Variants in LIN28A observed in about 807,000 individuals in gnomAD.
LIN28A encodes lin-28 RNA binding posttranscriptional regulator A, also known as protein lin-28 homolog A.
LIN28A carries 11 observed loss-of-function variants against 21.1 expected under a neutral mutation model. That is an observed-to-expected ratio of 0.52 (90% CI 0.33 to 0.86). The LOEUF (loss-of-function observed/expected upper bound fraction) is 0.86, where lower values mean the gene tolerates loss of function less well. LIN28A is among the 40% of genes least tolerant of loss of function. The pLI is 0.03. For synonymous variants in LIN28A, 111 were observed against 108.7 expected (o/e 1.02, Z -0.13); for missense variants, 219 against 279.8 (o/e 0.78, Z 1.55).
In LIN28A at chr1:26,410,909, C is replaced by A. The variant is rs758386406; in HGVS notation, c.18C>A (p.Asn6Lys). The A allele has an allele frequency of 7.5e-6, 12 of 1,607,380 alleles. No individual in the cohort carries two copies. The highest frequency in any genetic ancestry group is 1.3e-5 in the African/African-American group (1 of 74,444). ...CGACGACCATGGGCTCCGTGTCCAA[C>A]CAGCAGTTTGCAGGTTCGAGCTCGG... The part of the protein sequence containing the change: MGSVS[N>K]QQFAGGCAKA... Residue 6 changes from asparagine to lysine, a missense_variant, in exon 1 of 4, where the codon AAC (asparagine) becomes AAA (lysine). This residue lies in a region of LIN28A where 50 missense variants were observed against 49.0 expected (regional missense o/e 1.02). Coordinates refer to ENST00000326279, the MANE Select transcript of LIN28A (RefSeq NM_024674.6).
At position 26,411,206 on chromosome 1, in the gene LIN28A, G is replaced by T. The variant is rs978581576; in HGVS notation, c.32-180G>T. On this transcript the variant is annotated intron_variant, in intron 1 of 3. Coordinates refer to ENST00000326279, the MANE Select transcript of LIN28A (RefSeq NM_024674.6). The surrounding 1 kb of genome is among the most constrained non-coding windows in gnomAD (Gnocchi z 5.4). The stretch of plus-strand genomic sequence containing the variant: ...ACTTTCGGGGCACTACTGTCCCGGT[G>T]TACGCTAGGGGAACGCGGGAGGCGA... 2.0e-5 allele frequency among the ~76,000 whole-genome samples: 3 copies of T among 152,254 alleles called. No individual in the cohort carries two copies. The highest frequency in any genetic ancestry group is 2.0e-4 in the Admixed American group (3 of 15,292).
At chr1:26,424,802 T>C (rs2124304204) in intron 2 of LIN28A, among the ~76,000 whole-genome samples, 1 of 152,274 alleles carries the variant, frequency 6.6e-6, no homozygotes, top group South Asian at 2.1e-4. Context: ...AGTGCAATAG[T>C]GTGATCTCAG....
At chr1:26,425,812 T>A (rs2075055676) in intron 3 of LIN28A, among the ~76,000 whole-genome samples, 1 of 152,246 alleles carries the variant, frequency 6.6e-6, no homozygotes. Flanking sequence ...AAGACAGTAT[T>A]ATCTATATCT....
At chr1:26,418,025 C>T (rs878921814) in intron 2 of LIN28A, among the ~76,000 whole-genome samples, 1 of 150,594 alleles carries the variant, frequency 6.6e-6, no homozygotes, top group Non-Finnish European at 1.5e-5. Flanking sequence ...TCTCTTCATA[C>T]TTTTTTCTTT....
chr1:26,414,249 T>C (rs930842823), intron 2 of LIN28A, among the ~76,000 whole-genome samples: 1 of 150,734 alleles, frequency 6.6e-6, no homozygotes, highest in Non-Finnish European at 1.5e-5. Flanking sequence ...AAGAAATCTT[T>C]AACAAAACTT....
intron 3 of LIN28A, 28 bp from the exon 4 acceptor site, chr1:26,426,214 T>A: frequency 6.3e-7 from 1 of 1,595,530 alleles, no homozygotes; most frequent in Non-Finnish European, 8.6e-7. Context: ...CTCCTTTCTC[T>A]TACTTTTACG....
At position 26,411,042 on chromosome 1, in the gene LIN28A, TCTG is replaced by T; in HGVS notation, c.31+123_31+125del. 1 of 1,309,486 alleles carries T rather than the reference TCTG, an allele frequency of 7.6e-7. No individual in the cohort carries two copies. The allele number at this position is 1,309,486 out of a possible 1,614,324, so 81.1% of individuals were successfully genotyped here. On this transcript the variant is annotated intron_variant, in intron 1 of 3. Coordinates refer to ENST00000326279, the MANE Select transcript of LIN28A (RefSeq NM_024674.6). This position sits in a 1 kb window ranked among gnomAD's most constrained non-coding sequence, Gnocchi z 5.4. ...AAAGGACCCCAAGACGGTGCGGCCT[TCTG>T]CTTCATAGGGCCGTCTCTGGGGCCA... is the stretch of plus-strand genomic sequence containing the variant.
chr1:26,410,858 C>A lies in LIN28A; in HGVS notation c.-34C>A. Reference sequence around the variant, plus strand: ...TCTCCGGGGCCAGCAGCCGCCCGACCAGGGGCCCGGGGCCACGGGCTCAGC... The same window carrying A: ...TCTCCGGGGCCAGCAGCCGCCCGACAAGGGGCCCGGGGCCACGGGCTCAGC... On this transcript the variant is annotated 5_prime_UTR_variant, in exon 1 of 4. Coordinates refer to ENST00000326279, the MANE Select transcript of LIN28A (RefSeq NM_024674.6). The A allele has an allele frequency of 1.2e-6, 2 of 1,611,510 alleles. No individual in the cohort carries two copies. The highest frequency in any genetic ancestry group is 4.5e-5 in the East Asian group (2 of 44,580).
intron 3 of LIN28A, 101 bp from the exon 4 acceptor site, chr1:26,426,141 A>C (rs2075058040): frequency 1.1e-6 from 1 of 890,230 alleles, no homozygotes; most frequent in Non-Finnish European, 1.8e-6. Flanking sequence ...AAGGGAAGTA[A>C]GTGACAAACC....
chr1:26,424,144 T>G (rs1179290814), intron 2 of LIN28A, among the ~76,000 whole-genome samples: 1 of 152,190 alleles, frequency 6.6e-6, no homozygotes, highest in Non-Finnish European at 1.5e-5. Context: ...TTTCCAGTAT[T>G]CTACTTATTT....
In LIN28A at chr1:26,429,160, G is replaced by C. The variant is rs1248110192; in HGVS notation, c.*2702G>C. On this transcript the variant is annotated 3_prime_UTR_variant, in exon 4 of 4. Coordinates refer to ENST00000326279, the MANE Select transcript of LIN28A (RefSeq NM_024674.6). ...CAGCCTGGTTACAGAGCAAGACTCT[G>C]TCTCAAACAAAACAAAACAAAACAA... The C allele has an allele frequency of 6.1e-6, 1 of 162,708 alleles. No homozygotes were observed. Among genetic ancestry groups the C allele is most frequent in the Non-Finnish European group, 1.3e-5 (1 of 76,450 alleles). The allele number at this position is 162,708 out of a possible 1,614,324, so 10.1% of individuals were successfully genotyped here. A position where few individuals can be genotyped will look rare whatever the true frequency, so the allele number is the denominator to read the frequency against.
intron 2 of LIN28A, among the ~76,000 whole-genome samples, chr1:26,419,057 CT>C (rs2075013973): frequency 6.6e-6 from 1 of 151,280 alleles, no homozygotes; most frequent in Non-Finnish European, 1.5e-5. Flanking sequence ...GCCCCTCCCC[CT>C]AAGGTCTTTT....
rs1382957031 is a variant in LIN28A, at chr1:26,428,954, C to G, written c.*2496C>G. 1 of 152,370 alleles carries G rather than the reference C, an allele frequency of 6.6e-6. No homozygotes were observed. Among genetic ancestry groups the G allele is most frequent in the Non-Finnish European group, 1.5e-5 (1 of 68,222 alleles). The allele number at this position is 152,370 out of a possible 1,614,324, so 9.4% of individuals were successfully genotyped here. On this transcript the variant is annotated 3_prime_UTR_variant, in exon 4 of 4. Transcript: ENST00000326279. ...GGCTGAGGCGGGCGGATCACAAGGT[C>G]ACGAGTTCAAAACTATCCTGGCCAA... is the stretch of plus-strand genomic sequence containing the variant.
chr1:26,421,234 C>T (rs1279262295), intron 2 of LIN28A, among the ~76,000 whole-genome samples: 1 of 152,150 alleles, frequency 6.6e-6, no homozygotes, highest in Non-Finnish European at 1.5e-5. Context: ...TTCATTAATT[C>T]ATTCAAAAAT....
intron 2 of LIN28A, among the ~76,000 whole-genome samples, chr1:26,422,559 CTGA>C (rs1355188176): frequency 6.6e-6 from 1 of 151,686 alleles, no homozygotes; most frequent in Non-Finnish European, 1.5e-5. Flanking sequence ...TTGGGTTTGT[CTGA>C]TGTTCCCTCA....
chr1:26,425,613 C>A, intron 3 of LIN28A, 126 bp downstream of exon 3: 1 of 862,874 alleles, frequency 1.2e-6, no homozygotes. Context: ...ATCTGGAAGG[C>A]TGAGCGCCTG....
intron 2 of LIN28A, among the ~76,000 whole-genome samples, chr1:26,419,992 C>G (rs1403289620): frequency 5.3e-5 from 8 of 152,202 alleles, no homozygotes; most frequent in Admixed American, 2.6e-4. Flanking sequence ...GGTTCTTGCT[C>G]TCTCACCCAG....
chr1:26,411,056 C>A lies in LIN28A; in HGVS notation c.31+134C>A. On this transcript the variant is annotated intron_variant, in intron 1 of 3. Transcript: ENST00000326279. The surrounding 1 kb of genome is among the most constrained non-coding windows in gnomAD (Gnocchi z 5.4). ...CGGTGCGGCCTTCTGCTTCATAGGG[C>A]CGTCTCTGGGGCCAGGAACCTTGGT... 1 of 1,185,112 alleles carries A rather than the reference C, an allele frequency of 8.4e-7. No individual in the cohort carries two copies. Among genetic ancestry groups the A allele is most frequent in the Non-Finnish European group, 1.2e-6 (1 of 857,548 alleles). The allele number at this position is 1,185,112 out of a possible 1,614,324, so 73.4% of individuals were successfully genotyped here.
Position 26,411,696 on chromosome 1 carries a change from T to G in LIN28A, c.228+114T>G. The G allele has an allele frequency of 2.8e-6, 3 of 1,052,990 alleles. No homozygotes were observed. The highest frequency in any genetic ancestry group is 4.2e-6 in the Non-Finnish European group (3 of 708,922). The allele number at this position is 1,052,990 out of a possible 1,614,324, so 65.2% of individuals were successfully genotyped here. On this transcript the variant is annotated intron_variant, in intron 2 of 3. Transcript: ENST00000326279. The surrounding 1 kb of genome is among the most constrained non-coding windows in gnomAD (Gnocchi z 5.4). ...GGCCATCGGGAGCCCTCATTATGCA[T>G]CCCTGTCTTTGCTTCGGCACCCCAA...
Sources: gnomAD v4.1 joint callset for allele counts (sites outside exome capture counted in the v4.1 genomes callset) on GRCh38, gnomAD v4.1.1 for gene constraint, gnomAD v4.1.1 regional missense constraint, Gnocchi (gnomAD v3.1) non-coding constraint, MANE v1.5 for transcripts, NCBI Gene and HGNC (gene_info 2026-07-23, HGNC 2026-07-21) for gene names.